LARGE1: variants seen among roughly 807,000 people sequenced by gnomAD.
LARGE1 encodes the protein LARGE xylosyl- and glucuronyltransferase 1.
Under a neutral mutation model 87.6 loss-of-function variants are expected in LARGE1, and 43 were observed. The ratio of observed to expected loss-of-function variants is 0.49; its 90% CI spans 0.38 to 0.63. The LOEUF is 0.63. LARGE1 is among the 30% of genes least tolerant of loss of function. The pLI, the probability that LARGE1 is intolerant of heterozygous loss-of-function variation, is 0.00. For synonymous variants in LARGE1, 434 were observed against 394.6 expected, an observed-to-expected ratio of 1.10 and a Z score of -1.18; for missense variants, 802 against 1,000.2, an observed-to-expected ratio of 0.80 and a Z score of 2.67.
intron 11 of LARGE1, among the ~76,000 whole-genome samples, chr22:33,183,585 C>T (rs1441949586): frequency 2.0e-5 from 3 of 147,958 alleles, no homozygotes; most frequent in African/African-American, 7.7e-5. Context: ...CAACCTAAGT[C>T]TCTATTGATG....
At chr22:33,485,339 G>C (rs1458605496) in intron 6 of LARGE1, among the ~76,000 whole-genome samples, 1 of 151,426 alleles carries the variant, frequency 6.6e-6, no homozygotes, top group Non-Finnish European at 1.5e-5. Context: ...CCAGCCTCCC[G>C]AGTAGCTGGG....
intron 6 of LARGE1, among the ~76,000 whole-genome samples, chr22:33,516,647 G>C (rs1008359088): frequency 2.1e-5 from 2 of 96,224 alleles, no homozygotes; most frequent in Admixed American, 1.2e-4. Context: ...GGAGTGCAGT[G>C]GTGCCATCTC....
intron 11 of LARGE1, among the ~76,000 whole-genome samples, chr22:33,224,276 G>GAAAAGAA (rs1176831904): frequency 6.6e-6 from 1 of 150,468 alleles, no homozygotes; most frequent in African/African-American, 2.4e-5. Context: ...AAAAGAAAAA[G>GAAAAGAA]AAAAGAAAAA....
chr22:33,101,493 CT>C, the LARGE1 span, among the ~76,000 whole-genome samples: 1 of 152,228 alleles, frequency 6.6e-6, no homozygotes, highest in East Asian at 1.9e-4. Flanking sequence ...CATGTATCTC[CT>C]CTGTGCTAGG....
chr22:33,176,663 G>A (rs1187898847), intron 11 of LARGE1, among the ~76,000 whole-genome samples: 1 of 152,188 alleles, frequency 6.6e-6, no homozygotes, highest in Non-Finnish European at 1.5e-5. Flanking sequence ...AACAACAGAT[G>A]CTGGAGAGGA....
rs186736581 is a variant in LARGE1 at position 33,692,171 on chromosome 22, G to T, written c.107-41503C>A. Reference sequence around the variant, plus strand: ...GAAAAGAAAATACCATTAGATAGTTGTATGTAAATGACAACTTCTCTTGTT... The same window carrying T: ...GAAAAGAAAATACCATTAGATAGTTTTATGTAAATGACAACTTCTCTTGTT... On this transcript the variant is annotated intron_variant, in intron 2 of 14. Transcript: ENST00000397394. Among the ~76,000 whole-genome samples, 688 of 152,238 alleles carry T rather than the reference G, an allele frequency of 4.5e-3. 4 individuals carry two copies. The highest frequency in any genetic ancestry group is 0.016 in the African/African-American group (658 of 41,530).
intron 2 of LARGE1, among the ~76,000 whole-genome samples, chr22:33,717,235 C>A (rs573881609): frequency 6.6e-6 from 1 of 152,212 alleles, no homozygotes; most frequent in South Asian, 2.1e-4. Flanking sequence ...CCCCACAGTG[C>A]ACCATGTATT....
intron 5 of LARGE1, among the ~76,000 whole-genome samples, chr22:33,582,588 G>T (rs182865534): frequency 5.8e-4 from 89 of 152,328 alleles, no homozygotes; most frequent in African/African-American, 2.1e-3. Flanking sequence ...CAATGAACTA[G>T]CCATTGGCTG....
At chr22:33,305,341 G>A (rs1934731644) in intron 11 of LARGE1, among the ~76,000 whole-genome samples, 1 of 140,496 alleles carries the variant, frequency 7.1e-6, no homozygotes, top group South Asian at 2.3e-4. Context: ...GGGAAAAATA[G>A]AGCCCAGGGA....
At chr22:33,507,955 T>A (rs1444090366) in intron 6 of LARGE1, among the ~76,000 whole-genome samples, 1 of 152,220 alleles carries the variant, frequency 6.6e-6, no homozygotes, top group Middle Eastern at 3.2e-3. Flanking sequence ...CCACAATTCC[T>A]ACCTCCTCCT....
chr22:33,735,651 A>G (rs2083629591), intron 2 of LARGE1, among the ~76,000 whole-genome samples: 1 of 152,302 alleles, frequency 6.6e-6, no homozygotes, highest in African/African-American at 2.4e-5. Flanking sequence ...GTTTATTGAG[A>G]TATAATTCAT....
the LARGE1 span, among the ~76,000 whole-genome samples, chr22:33,071,680 A>C: frequency 1.4e-3 from 206 of 152,344 alleles, no homozygotes; most frequent in African/African-American, 4.5e-3. Context: ...ATACATGTTT[A>C]TGGACTGGTG....
At chr22:33,349,645 C>G (rs1003147863) in intron 9 of LARGE1, among the ~76,000 whole-genome samples, 7 of 152,174 alleles carry the variant, frequency 4.6e-5, no homozygotes, top group African/African-American at 1.7e-4. Flanking sequence ...CTTTCATCCC[C>G]CTTCCTTTTC....
At chr22:33,341,045 G>A (rs1939089093) in intron 9 of LARGE1, among the ~76,000 whole-genome samples, 1 of 148,652 alleles carries the variant, frequency 6.7e-6, no homozygotes, top group Non-Finnish European at 1.5e-5. Context: ...CAAATGTAAT[G>A]GACTATCTCC....
At chr22:33,737,473 T>C (rs184293771) in intron 2 of LARGE1, 10 of 152,336 alleles carry the variant, frequency 6.6e-5, no homozygotes, top group Non-Finnish European at 8.8e-5. Flanking sequence ...TATTAATTAC[T>C]ACACACCTGG....
Position 33,763,838 on chromosome 22 carries a change from C to CT in LARGE1, c.-82-2281dup, listed in dbSNP as rs71187279. On this transcript the variant is annotated intron_variant, in intron 1 of 14. Transcript: ENST00000397394. ...CAGAAAAGCAGCCTTAATTAGTTTG[C>CT]TTTTTTTTTTTTTTTTTTTTTTTTT... Among the ~76,000 whole-genome samples the CT allele has an allele frequency of 4.6e-3, 326 of 71,176 alleles. 41 individuals carry two copies. Among genetic ancestry groups the CT allele is most frequent in the Middle Eastern group, 0.01 (1 of 96 alleles). The allele number at this position is 71,176 out of a possible 152,430, so 46.7% of individuals were successfully genotyped here. A position where few individuals can be genotyped will look rare whatever the true frequency, so the allele number is the denominator to read the frequency against.
intron 6 of LARGE1, among the ~76,000 whole-genome samples, chr22:33,536,115 G>C (rs922813241): frequency 6.6e-6 from 1 of 152,156 alleles, no homozygotes; most frequent in African/African-American, 2.4e-5. Flanking sequence ...CTCTGAACAA[G>C]GGAAAGCCAA....
chr22:33,776,173 C>T (rs984333069), intron 1 of LARGE1, among the ~76,000 whole-genome samples: 2 of 152,198 alleles, frequency 1.3e-5, no homozygotes, highest in African/African-American at 2.4e-5. Flanking sequence ...GTGAAGTGCA[C>T]TGATCTGCAT....
chr22:33,068,247 T>G, the LARGE1 span, among the ~76,000 whole-genome samples: 1 of 152,186 alleles, frequency 6.6e-6, no homozygotes, highest in African/African-American at 2.4e-5. Flanking sequence ...CTTGAGATTG[T>G]GCATAAAGAT....
Sources: gnomAD v4.1 joint callset for allele counts (sites outside exome capture counted in the v4.1 genomes callset) on GRCh38, gnomAD v4.1.1 for gene constraint, MANE v1.5 for transcripts, NCBI Gene and HGNC (gene_info 2026-07-23, HGNC 2026-07-21) for gene names.